Variants in TBCK observed in about 807,000 individuals in gnomAD.
TBCK encodes the protein TBC1 domain containing kinase, also known as TBC domain-containing protein kinase-like protein.
In TBCK, 99 loss-of-function variants were observed where a neutral mutation model predicts 113.4. The ratio of observed to expected loss-of-function variants is 0.87; its 90% confidence interval spans 0.74 to 1.03. The LOEUF is 1.03. TBCK is among the 50% of genes least tolerant of loss of function. The pLI is 0.00. For synonymous variants in TBCK, 369 were observed against 370.8 expected (o/e 1.00, Z 0.05); for missense variants, 1,045 against 1,061.3 (o/e 0.98, Z 0.21).
intron 24 of TBCK, 85 bp downstream of exon 24, chr4:106,116,118 T>A (rs1743458981): frequency 6.0e-6 from 8 of 1,337,684 alleles, no homozygotes; most frequent in Non-Finnish European, 8.1e-6. Context: ...CAGAATTTTT[T>A]TTTTTTAACC....
intron 8 of TBCK, 60 bp from the exon 9 acceptor site, chr4:106,248,366 T>C (rs1761067661): frequency 8.3e-7 from 1 of 1,199,192 alleles, no homozygotes; most frequent in Admixed American, 2.4e-5. Flanking sequence ...ATATACTTTA[T>C]TCAAATGTTT....
intron 19 of TBCK, among the ~76,000 whole-genome samples, chr4:106,219,774 A>G (rs1183306623): frequency 6.6e-6 from 1 of 152,082 alleles, no homozygotes; most frequent in Admixed American, 6.5e-5. Flanking sequence ...CCTGGGCTCA[A>G]GCAATCCTCC....
At chr4:106,072,466 C>CTGTT (rs1165504859) in intron 25 of TBCK, among the ~76,000 whole-genome samples, 1 of 152,208 alleles carries the variant, frequency 6.6e-6, no homozygotes, top group Non-Finnish European at 1.5e-5. Flanking sequence ...GAGAGATCTG[C>CTGTT]TGTTAGTTTG....
chr4:106,244,804 T>C (rs752558630), intron 10 of TBCK, 40 bp from the exon 11 acceptor site: 25 of 1,316,964 alleles, frequency 1.9e-5, no homozygotes, highest in Non-Finnish European at 2.5e-5. Flanking sequence ...TATTATATTT[T>C]CTACTTTTAT....
intron 24 of TBCK, among the ~76,000 whole-genome samples, chr4:106,114,526 G>A (rs1743252008): frequency 6.6e-6 from 1 of 152,092 alleles, no homozygotes; most frequent in Admixed American, 6.5e-5. Context: ...GCTTGTCAGG[G>A]CTACAGCTGC....
intron 22 of TBCK, among the ~76,000 whole-genome samples, chr4:106,177,602 G>C (rs1751837479): frequency 6.6e-6 from 1 of 151,844 alleles, no homozygotes; most frequent in Non-Finnish European, 1.5e-5. Flanking sequence ...TTTCCCCAAT[G>C]TATATTGTTG....
chr4:106,272,716 CA>C (rs1456738750), intron 3 of TBCK, among the ~76,000 whole-genome samples: 2 of 151,808 alleles, frequency 1.3e-5, no homozygotes, highest in African/African-American at 4.8e-5. Flanking sequence ...AGGATGGTCT[CA>C]ATCTCCTGAC....
At chr4:106,233,133 TTCA>T in intron 16 of TBCK, 69 bp from the exon 17 acceptor site, 1 of 1,381,988 alleles carries the variant, frequency 7.2e-7, no homozygotes, top group Non-Finnish European at 9.9e-7. Flanking sequence ...TTAATCCTTG[TTCA>T]TTAAATAAGG....
At chr4:106,087,433 G>A (rs1240575466) in intron 25 of TBCK, among the ~76,000 whole-genome samples, 1 of 152,054 alleles carries the variant, frequency 6.6e-6, no homozygotes, top group African/African-American at 2.4e-5. Flanking sequence ...AATAAGACAG[G>A]ACACAAACAA....
chr4:106,181,011 C>T (rs994128671), intron 22 of TBCK, among the ~76,000 whole-genome samples: 3 of 152,174 alleles, frequency 2.0e-5, no homozygotes, highest in African/African-American at 7.2e-5. Context: ...TCCTATTTTT[C>T]CACAACCTCT....
At chr4:106,111,056 C>G (rs1742794447) in intron 24 of TBCK, among the ~76,000 whole-genome samples, 1 of 151,940 alleles carries the variant, frequency 6.6e-6, no homozygotes, top group Non-Finnish European at 1.5e-5. Flanking sequence ...TTAACTGAGG[C>G]CACTCTGCAG....
At chr4:106,215,307 C>T (rs904729088) in intron 19 of TBCK, among the ~76,000 whole-genome samples, 1 of 151,748 alleles carries the variant, frequency 6.6e-6, no homozygotes, top group East Asian at 1.9e-4. Context: ...ACTGCATCAA[C>T]TAAGGAGCAA....
chr4:106,248,932 CCAAA>C lies in TBCK; in HGVS notation c.705_708del (p.Cys235TrpfsTer4), dbSNP rs1467733873. The C allele has an allele frequency of 6.2e-7, 1 of 1,607,190 alleles. No homozygotes were observed. The highest frequency in any genetic ancestry group is 2.2e-5 in the East Asian group (1 of 44,730). On this transcript the variant is annotated frameshift_variant, in exon 8 of 26. Transcript: ENST00000394708. LOFTEE classifies it high-confidence loss of function. Reference sequence around the variant, plus strand: ...GATTAATGACAAACCTTTATAATGTCCAAACAACCATGCTCTTCAGCCAGAACTA... The same window carrying C: ...GATTAATGACAAACCTTTATAATGTCCAACCATGCTCTTCAGCCAGAACTA...
At chr4:106,266,767 A>G (rs1380074857) in intron 3 of TBCK, among the ~76,000 whole-genome samples, 1 of 151,914 alleles carries the variant, frequency 6.6e-6, no homozygotes, top group African/African-American at 2.4e-5. Flanking sequence ...GGAACAAAAA[A>G]TGCTATTTTA....
chr4:106,170,739 A>T (rs751432804), intron 23 of TBCK, among the ~76,000 whole-genome samples: 1 of 152,040 alleles, frequency 6.6e-6, no homozygotes, highest in Non-Finnish European at 1.5e-5. Context: ...TCTTCTGTCA[A>T]CCAACAATAA....
At chr4:106,218,454 A>T (rs1284239883) in intron 19 of TBCK, among the ~76,000 whole-genome samples, 282 of 145,540 alleles carry the variant, frequency 1.9e-3, no homozygotes, top group African/African-American at 6.5e-3. Flanking sequence ...GGGAGAAAAT[A>T]TTCGCAACCT....
At chr4:106,231,647 C>T (rs1214861883) in intron 18 of TBCK, 82 bp downstream of exon 18, 1 of 1,359,022 alleles carries the variant, frequency 7.4e-7, no homozygotes, top group African/African-American at 1.5e-5. Flanking sequence ...AGCCTTAAAA[C>T]AAAAACAAAA....
intron 23 of TBCK, among the ~76,000 whole-genome samples, chr4:106,129,822 T>C (rs10084928): frequency 0.23 from 35,303 of 152,126 alleles, 4,164 homozygotes; most frequent in South Asian, 0.27. Flanking sequence ...TTCTGCCCTA[T>C]GTGGCAACCT....
chr4:106,077,335 T>G (rs932782660), intron 25 of TBCK, among the ~76,000 whole-genome samples: 3 of 152,184 alleles, frequency 2.0e-5, no homozygotes, highest in Non-Finnish European at 4.4e-5. Context: ...CGACCATGAA[T>G]GTAAACAGGC....
Sources: allele counts gnomAD v4.1 joint callset (sites outside exome capture counted in the v4.1 genomes callset), GRCh38; gene constraint gnomAD v4.1.1; transcripts MANE v1.5; gene names NCBI Gene and HGNC (gene_info 2026-07-23, HGNC 2026-07-21).